Variants in INPP5A observed in about 807,000 individuals in gnomAD.
INPP5A encodes the protein 43 kDa inositol polyphosphate 5-phophatase.
In INPP5A, 14 loss-of-function variants were observed where a neutral mutation model predicts 65.2. The observed-to-expected ratio is 0.21, with a 90% CI of 0.14 to 0.34. INPP5A has a LOEUF of 0.34. Among genes scored for constraint, INPP5A ranks in the 10% least tolerant of loss-of-function variants. The pLI is 1.00. For missense variants in INPP5A, 431 were observed against 545.6 expected (o/e 0.79, Z 2.09); for synonymous variants, 207 against 208.3 (o/e 0.99, Z 0.05).
Position 132,545,260 on chromosome 10 carries a change from A to G in INPP5A, c.75+7089A>G, listed in dbSNP as rs1407580885. On this transcript the variant is annotated intron_variant, in intron 1 of 15. Coordinates refer to ENST00000368594, the MANE Select transcript of INPP5A (RefSeq NM_005539.5). This position sits in a 1 kb window ranked among gnomAD's most constrained non-coding sequence, Gnocchi z 4.6. ...TTGTTGGGTCTGATTCAGAAGTTAC[A>G]GAAATCCAGACCCAGGCCTGCCCCA... 6.6e-6 allele frequency among the ~76,000 whole-genome samples: 1 copy of G among 152,130 alleles called. No individual in the cohort carries two copies. The highest frequency in any genetic ancestry group is 1.5e-5 in the Non-Finnish European group (1 of 68,012).
At chr10:132,712,949 TGG>T (rs1845672965) in intron 8 of INPP5A, among the ~76,000 whole-genome samples, 1 of 148,612 alleles carries the variant, frequency 6.7e-6, no homozygotes, top group Non-Finnish European at 1.5e-5. Context: ...TGTGGGCGTG[TGG>T]GTGTGTGGGT....
intron 2 of INPP5A, among the ~76,000 whole-genome samples, chr10:132,630,686 A>G (rs1265423698): frequency 2.6e-5 from 1 of 38,646 alleles, no homozygotes; most frequent in African/African-American, 1.1e-4. Context: ...GGAAGGCATC[A>G]GTGAAGTGAA....
In INPP5A at chr10:132,681,780, T is replaced by A. The variant is rs537732347; in HGVS notation, c.307-8612T>A. Among the ~76,000 whole-genome samples, 167 of 152,340 alleles carry A rather than the reference T, an allele frequency of 1.1e-3. 2 individuals carry two copies. The highest frequency in any genetic ancestry group is 3.9e-3 in the African/African-American group (162 of 41,578). On this transcript the variant is annotated intron_variant, in intron 4 of 15. Coordinates refer to ENST00000368594, the MANE Select transcript of INPP5A (RefSeq NM_005539.5). ...ATTGAGAGCAGTCTCCAGCAGATAT[T>A]TGCACACCTATAATCAAAGCAGTAT...
chr10:132,573,866 AGATGTTGG>A, intron 1 of INPP5A, among the ~76,000 whole-genome samples: 1 of 121,646 alleles, frequency 8.2e-6, no homozygotes, highest in African/African-American at 3.6e-5. Flanking sequence ...GGTTTTGTTG[AGATGTTGG>A]GGTGTGTGTG....
intron 11 of INPP5A, among the ~76,000 whole-genome samples, chr10:132,761,792 C>T (rs538941820): frequency 9.2e-5 from 14 of 152,218 alleles, no homozygotes; most frequent in Admixed American, 5.2e-4. Flanking sequence ...CTGTGAACCA[C>T]GTAAGGACAC....
intron 8 of INPP5A, among the ~76,000 whole-genome samples, chr10:132,723,587 G>T (rs368647747): frequency 1.1e-5 from 1 of 90,006 alleles, no homozygotes; most frequent in Non-Finnish European, 2.4e-5. Context: ...GGGATTGGCC[G>T]TGTGGGGATT....
At chr10:132,712,283 C>T (rs11146474) in intron 8 of INPP5A, among the ~76,000 whole-genome samples, 4,062 of 152,024 alleles carry the variant, frequency 0.027, 170 homozygotes, top group African/African-American at 0.092. Flanking sequence ...TGCACACATG[C>T]ACATGCATGT....
At chr10:132,703,540 C>G (rs1040199593) in intron 6 of INPP5A, among the ~76,000 whole-genome samples, 1 of 148,466 alleles carries the variant, frequency 6.7e-6, no homozygotes, top group Non-Finnish European at 1.5e-5. Context: ...TTTACCCATA[C>G]ACACACGTGG....
intron 3 of INPP5A, among the ~76,000 whole-genome samples, chr10:132,647,555 C>T (rs1406576684): frequency 6.6e-6 from 1 of 152,178 alleles, no homozygotes; most frequent in Non-Finnish European, 1.5e-5. Context: ...GGGTTCTCAC[C>T]CAGCTCGACC....
chr10:132,670,112 C>G (rs1399200419), intron 4 of INPP5A, among the ~76,000 whole-genome samples: 1 of 143,752 alleles, frequency 7.0e-6, no homozygotes, highest in African/African-American at 2.6e-5. Flanking sequence ...GTCCTGAAAC[C>G]CACACCCTCA....
At chr10:132,640,338 G>A (rs2072410334) in intron 2 of INPP5A, among the ~76,000 whole-genome samples, 1 of 152,228 alleles carries the variant, frequency 6.6e-6, no homozygotes. Context: ...GACTCAAGCG[G>A]CTTCATACAC....
At chr10:132,684,851 C>A (rs531339040) in intron 4 of INPP5A, among the ~76,000 whole-genome samples, 15 of 152,170 alleles carry the variant, frequency 9.9e-5, no homozygotes, top group African/African-American at 3.4e-4. Context: ...TGGGCTCCTG[C>A]GTGAGGCCGC....
intron 1 of INPP5A, among the ~76,000 whole-genome samples, chr10:132,543,570 C>T (rs991726970): frequency 6.6e-6 from 1 of 152,258 alleles, no homozygotes; most frequent in Non-Finnish European, 1.5e-5. Context: ...GCATGCACCA[C>T]TATGCCCAGC....
chr10:132,687,908 T>C (rs117440887), intron 4 of INPP5A, among the ~76,000 whole-genome samples: 1 of 152,346 alleles, frequency 6.6e-6, no homozygotes, highest in East Asian at 1.9e-4. Context: ...AGCCGGCCTC[T>C]CTTTTTAGGA....
intron 2 of INPP5A, among the ~76,000 whole-genome samples, chr10:132,640,227 C>G (rs1228368335): frequency 6.6e-6 from 1 of 152,260 alleles, no homozygotes; most frequent in African/African-American, 2.4e-5. Context: ...AGACCATAAG[C>G]TCAGTCTCAT....
chr10:132,574,764 C>T (rs945448008), intron 1 of INPP5A, among the ~76,000 whole-genome samples: 5 of 150,214 alleles, frequency 3.3e-5, no homozygotes, highest in African/African-American at 7.4e-5. Context: ...GATCTTGGCT[C>T]ACTGCAACCT....
At chr10:132,574,750 G>A (rs535283484) in intron 1 of INPP5A, among the ~76,000 whole-genome samples, 4 of 149,640 alleles carry the variant, frequency 2.7e-5, no homozygotes, top group Admixed American at 6.7e-5. Flanking sequence ...GAGTGCAGTC[G>A]TGGGATCTTG....
At chr10:132,658,413 C>T (rs1004353764) in intron 4 of INPP5A, among the ~76,000 whole-genome samples, 1 of 152,136 alleles carries the variant, frequency 6.6e-6, no homozygotes, top group Non-Finnish European at 1.5e-5. Flanking sequence ...TATTTAGGAC[C>T]TTCCATCATA....
At chr10:132,770,003 G>A (rs1400722369) in intron 12 of INPP5A, among the ~76,000 whole-genome samples, 1 of 152,206 alleles carries the variant, frequency 6.6e-6, no homozygotes, top group Non-Finnish European at 1.5e-5. Context: ...CTCCTCGGTG[G>A]CCGCTCCACT....
Sources: gnomAD v4.1 joint callset for allele counts (sites outside exome capture counted in the v4.1 genomes callset) on GRCh38, gnomAD v4.1.1 for gene constraint, Gnocchi (gnomAD v3.1) non-coding constraint, MANE v1.5 for transcripts, NCBI Gene and HGNC (gene_info 2026-07-23, HGNC 2026-07-21) for gene names.